CHAF1A: variants seen among roughly 807,000 people sequenced by gnomAD.
The protein encoded by CHAF1A is chromatin assembly factor 1 subunit A, also known as CAF-1 subunit A.
In CHAF1A, 5 loss-of-function variants were observed where a neutral mutation model predicts 93.2. That is an observed-to-expected ratio of 0.05 (90% CI 0.03 to 0.11). CHAF1A has a LOEUF of 0.11. Among genes scored for constraint, CHAF1A ranks in the 10% least tolerant of loss-of-function variants. The pLI is 1.00. For missense variants in CHAF1A, 1,102 were observed against 1,259.9 expected (o/e 0.87, Z 1.90); for synonymous variants, 504 against 510.3 (o/e 0.99, Z 0.17).
downstream of CHAF1A, chr19:4,446,169 C>G (rs751064913): frequency 1.2e-6 from 2 of 1,609,674 alleles, no homozygotes; most frequent in Non-Finnish European, 1.7e-6. Context: ...CGTACACCGC[C>G]CCCAGCCGCT....
chr19:4,426,370 G>A (rs1036324040), intron 7 of CHAF1A, among the ~76,000 whole-genome samples: 6 of 151,328 alleles, frequency 4.0e-5, no homozygotes, highest in Admixed American at 6.6e-5. Flanking sequence ...GGTTTGCACC[G>A]TGTTGGCCAG....
At chr19:4,420,776 G>T (rs57611512) in intron 4 of CHAF1A, among the ~76,000 whole-genome samples, 175 of 152,226 alleles carry the variant, frequency 1.1e-3, no homozygotes, top group African/African-American at 3.9e-3. Flanking sequence ...CTACTAAAAA[G>T]AAAAAGAATT....
intron 3 of CHAF1A, among the ~76,000 whole-genome samples, chr19:4,411,082 T>G (rs1345070414): frequency 6.6e-6 from 1 of 152,162 alleles, no homozygotes; most frequent in African/African-American, 2.4e-5. Context: ...TTTGTAGCAC[T>G]TTTGTTTGTT....
chr19:4,437,192 C>T (rs1191270397), intron 13 of CHAF1A, among the ~76,000 whole-genome samples: 1 of 152,148 alleles, frequency 6.6e-6, no homozygotes, highest in Non-Finnish European at 1.5e-5. Context: ...ATGCTTAACC[C>T]CCACCCCTGA....
chr19:4,418,636 C>T (rs1356100789), intron 4 of CHAF1A, among the ~76,000 whole-genome samples: 1 of 151,954 alleles, frequency 6.6e-6, no homozygotes, highest in African/African-American at 2.4e-5. Flanking sequence ...AGGATGGTCT[C>T]GATCTCCTGA....
downstream of CHAF1A, chr19:4,447,743 A>G (rs1974567215): frequency 9.5e-7 from 1 of 1,057,262 alleles, no homozygotes; most frequent in Admixed American, 1.8e-5. Context: ...CAGAGGGAAG[A>G]AGCGGCCCAG....
chr19:4,446,274 G>T, downstream of CHAF1A: 1 of 1,570,626 alleles, frequency 6.4e-7, no homozygotes. Context: ...GGGCATCGTT[G>T]GTGCCCACCC....
In CHAF1A at chr19:4,428,877, G is replaced by T; in HGVS notation, c.1591G>T (p.Asp531Tyr). Residue 531 changes from aspartate to tyrosine, a missense_variant, in exon 8 of 15, where the codon GAT (aspartate) becomes TAT (tyrosine). Around this residue, in one of 6 missense-constraint regions of CHAF1A, gnomAD observed 335 missense variants for 361.9 expected, o/e 0.93. Coordinates refer to ENST00000301280, the MANE Select transcript of CHAF1A (RefSeq NM_005483.3). Reference sequence around the variant, plus strand: ...CACGCACGTTTCCACCCGGAATGCAGATATTTTTAACAGGTCAGAGCCTGA... The same window carrying T: ...CACGCACGTTTCCACCCGGAATGCATATATTTTTAACAGGTCAGAGCCTGA... The part of the protein sequence containing the change: ...GPTHVSTRNA[D>Y]IFNSDVVIVE... 1 of 1,613,712 alleles carries T rather than the reference G, an allele frequency of 6.2e-7. No individual in the cohort carries two copies. The highest frequency in any genetic ancestry group is 8.5e-7 in the Non-Finnish European group (1 of 1,179,970).
chr19:4,403,104 A>C (rs1203119817), intron 1 of CHAF1A, among the ~76,000 whole-genome samples: 1 of 152,174 alleles, frequency 6.6e-6, no homozygotes, highest in Non-Finnish European at 1.5e-5. Flanking sequence ...GAGAGGGGAA[A>C]CTGAGGCCCA....
intron 7 of CHAF1A, 54 bp downstream of exon 7, chr19:4,423,928 T>C (rs988056580): frequency 6.5e-7 from 1 of 1,542,474 alleles, no homozygotes; most frequent in African/African-American, 1.4e-5. Context: ...GACTTTTCCT[T>C]TCTGAAAGTG....
chr19:4,431,084 C>G (rs796919952), intron 11 of CHAF1A: 1 of 161,516 alleles, frequency 6.2e-6, no homozygotes. Flanking sequence ...GCAGGCGAAC[C>G]TGCCTGCCAC....
rs1292763200 is a variant in CHAF1A at position 4,433,158 on chromosome 19, A to G, written c.2292A>G (p.Gly764=). The change falls in exon 13 of 15, where the codon GGA becomes GGG. Residue 764 remains glycine, a synonymous_variant. Coordinates refer to ENST00000301280, the MANE Select transcript of CHAF1A (RefSeq NM_005483.3). This position sits in a 1 kb window ranked among gnomAD's most constrained non-coding sequence, Gnocchi z 5.6. ...AGTTCCAGGAGCACTGCCGCCGGGG[A>G]CTGCTCAGCAACCACACCGGCAGCC... ...IREFQEHCRR[G]LLSNHTGSPR... is the part of the protein sequence containing the mutation. 6.2e-7 allele frequency: 1 copy of G among 1,613,548 alleles called. No individual in the cohort carries two copies. The highest frequency in any genetic ancestry group is 1.3e-5 in the African/African-American group (1 of 75,008).
intron 13 of CHAF1A, among the ~76,000 whole-genome samples, chr19:4,439,737 A>G (rs1974352210): frequency 1.3e-5 from 2 of 152,228 alleles, no homozygotes; most frequent in Non-Finnish European, 2.9e-5. Flanking sequence ...TATTCTTTCA[A>G]AAAGGTAGTT....
intron 3 of CHAF1A, among the ~76,000 whole-genome samples, chr19:4,411,343 C>T (rs1599640153): frequency 6.6e-6 from 1 of 152,132 alleles, no homozygotes; most frequent in Non-Finnish European, 1.5e-5. Context: ...AATTCTCCTG[C>T]CTCACCCTCT....
intron 13 of CHAF1A, among the ~76,000 whole-genome samples, chr19:4,440,250 C>T (rs1238880140): frequency 1.3e-5 from 2 of 152,068 alleles, no homozygotes; most frequent in Non-Finnish European, 2.9e-5. Context: ...GACGTGGAGG[C>T]TCATGGTGGC....
downstream of CHAF1A, among the ~76,000 whole-genome samples, chr19:4,444,165 CA>C (rs1464480542): frequency 6.6e-6 from 1 of 152,162 alleles, no homozygotes; most frequent in Non-Finnish European, 1.5e-5. Context: ...TGACAGCCTC[CA>C]TTCTCAACAG....
intron 9 of CHAF1A, 24 bp downstream of exon 9, chr19:4,429,630 C>G: frequency 6.2e-7 from 1 of 1,614,080 alleles, no homozygotes; most frequent in Non-Finnish European, 8.5e-7. Flanking sequence ...AGAGTGCCTC[C>G]GTCCCCGTAC....
intron 3 of CHAF1A, among the ~76,000 whole-genome samples, chr19:4,412,128 A>G (rs1447396479): frequency 6.6e-6 from 1 of 152,172 alleles, no homozygotes; most frequent in Non-Finnish European, 1.5e-5. Flanking sequence ...CAATCTCCCA[A>G]AATCAGAGTT....
intron 3 of CHAF1A, 105 bp downstream of exon 3, chr19:4,409,864 C>T: frequency 7.4e-7 from 1 of 1,346,806 alleles, no homozygotes; most frequent in Non-Finnish European, 1.0e-6. Context: ...GTGAGCGGGG[C>T]CACGGGCTGG....
Sources: gnomAD v4.1 joint callset for allele counts (sites outside exome capture counted in the v4.1 genomes callset) on GRCh38, gnomAD v4.1.1 for gene constraint, gnomAD v4.1.1 regional missense constraint, Gnocchi (gnomAD v3.1) non-coding constraint, MANE v1.5 for transcripts, NCBI Gene and HGNC (gene_info 2026-07-23, HGNC 2026-07-21) for gene names.